TMEM39B: variants seen among roughly 807,000 people sequenced by gnomAD.
TMEM39B encodes transmembrane protein 39B.
Under a neutral mutation model 52.2 loss-of-function variants are expected in TMEM39B, and 23 were observed. The ratio of observed to expected loss-of-function variants is 0.44; its 90% CI spans 0.32 to 0.62. TMEM39B has a LOEUF of 0.62. Ranked by LOEUF, TMEM39B falls within the 20% of genes least tolerant of loss-of-function variation. The pLI is 0.06. For missense variants in TMEM39B, 547 were observed against 642.0 expected (o/e 0.85, Z 1.60); for synonymous variants, 285 against 264.0 (o/e 1.08, Z -0.77).
chr1:32,096,451 C>CTTTTT (rs965499225), intron 7 of TMEM39B, among the ~76,000 whole-genome samples: 4 of 105,024 alleles, frequency 3.8e-5, no homozygotes, highest in African/African-American at 4.2e-5. Flanking sequence ...CTCCTCTGGC[C>CTTTTT]TTTTTTTTTT....
chr1:32,074,820 G>A, intron 1 of TMEM39B, 131 bp from the exon 2 acceptor site: 1 of 1,179,774 alleles, frequency 8.5e-7, no homozygotes, highest in Non-Finnish European at 1.2e-6. Context: ...GTAAGAAGGG[G>A]CCAGATCATA....
chr1:32,084,501 A>G (rs1244981380), intron 5 of TMEM39B, among the ~76,000 whole-genome samples: 6 of 152,142 alleles, frequency 3.9e-5, no homozygotes, highest in South Asian at 2.1e-4. Context: ...GAGTCCTTGC[A>G]TGTCTAAAAG....
intron 5 of TMEM39B, among the ~76,000 whole-genome samples, chr1:32,089,071 G>A (rs936810437): frequency 1.3e-5 from 2 of 151,828 alleles, no homozygotes; most frequent in African/African-American, 4.8e-5. Flanking sequence ...GGAAACTGAG[G>A]CTCATAGAGG....
intron 5 of TMEM39B, among the ~76,000 whole-genome samples, chr1:32,085,517 C>A (rs1640305645): frequency 6.6e-6 from 1 of 152,092 alleles, no homozygotes; most frequent in South Asian, 2.1e-4. Context: ...CTTTGGGAGG[C>A]CAAGGTGGGT....
chr1:32,076,179 T>G (rs1639853272), intron 3 of TMEM39B: 1 of 177,098 alleles, frequency 5.6e-6, no homozygotes, highest in Non-Finnish European at 1.2e-5. Context: ...TGGCGCAATC[T>G]TAGCTCACTG....
Position 32,091,831 on chromosome 1 carries a change from C to T in TMEM39B, c.747C>T (p.His249=), listed in dbSNP as rs1640618371. The change falls in exon 6 of 9, where the codon CAC becomes CAT. Residue 249 remains histidine, a synonymous_variant. Coordinates refer to ENST00000336294, the MANE Select transcript of TMEM39B (RefSeq NM_018056.4). The part of the protein sequence containing the change: ...LLTLRETWKQ[H]TRQLYGPDAM... ...CACTGCGGGAGACGTGGAAGCAGCA[C>T]ACAAGACAGCTGTATGGCCCGGACG... 4.3e-6 allele frequency: 7 copies of T among 1,614,122 alleles called. No individual in the cohort carries two copies. Among genetic ancestry groups the T allele is most frequent in the African/African-American group, 1.3e-5 (1 of 74,950 alleles).
At chr1:32,075,911 A>G in intron 3 of TMEM39B, 89 bp downstream of exon 3, 2 of 895,876 alleles carry the variant, frequency 2.2e-6, no homozygotes, top group East Asian at 2.7e-5. Context: ...TCAGTTTAGC[A>G]TATCCTACTA....
intron 7 of TMEM39B, among the ~76,000 whole-genome samples, chr1:32,097,649 G>C (rs1322176705): frequency 6.9e-6 from 1 of 145,246 alleles, no homozygotes; most frequent in African/African-American, 2.6e-5. Context: ...TCTTTTTTTT[G>C]TTTGTTTGTT....
chr1:32,074,772 G>A (rs992484082), intron 1 of TMEM39B, among the ~76,000 whole-genome samples, 179 bp from the exon 2 acceptor site: 1 of 152,112 alleles, frequency 6.6e-6, no homozygotes, highest in South Asian at 2.1e-4. Flanking sequence ...TAGAGGGTGG[G>A]TGTGAGGTAG....
chr1:32,078,360 A>G (rs1460272933), intron 5 of TMEM39B, among the ~76,000 whole-genome samples: 1 of 152,010 alleles, frequency 6.6e-6, no homozygotes, highest in Non-Finnish European at 1.5e-5. Context: ...AGGCACGCCT[A>G]TAGTCCCAGC....
At chr1:32,096,937 G>C (rs908745727) in intron 7 of TMEM39B, among the ~76,000 whole-genome samples, 1 of 151,932 alleles carries the variant, frequency 6.6e-6, no homozygotes, top group Non-Finnish European at 1.5e-5. Flanking sequence ...CCAAGTCGCT[G>C]GGATTACAGG....
In TMEM39B at chr1:32,102,730, G is replaced by GGGGCT; in HGVS notation, c.*59_*63dup. On this transcript the variant is annotated 3_prime_UTR_variant, in exon 9 of 9. Coordinates refer to ENST00000336294, the MANE Select transcript of TMEM39B (RefSeq NM_018056.4). ...GCTTCAGCCAAGGGCTCCCTGGCAA[G>GGGGCT]GGGCTGTTGGGTAGAAGTGGTGGTG... 1 of 1,418,614 alleles carries GGGGCT rather than the reference G, an allele frequency of 7.0e-7. No homozygotes were observed. Among genetic ancestry groups the GGGGCT allele is most frequent in the South Asian group, 1.8e-5 (1 of 57,094 alleles). The allele number at this position is 1,418,614 out of a possible 1,614,324, so 87.9% of individuals were successfully genotyped here.
In TMEM39B at chr1:32,077,331, C is replaced by G. The variant is rs777015782; in HGVS notation, c.590+13C>G. On this transcript the variant is annotated intron_variant, in intron 5 of 8. Transcript: ENST00000336294. ...TCCTCTGCTATCCGTGAGTACCCCT[C>G]ACTTCACCCCTCACTGCCCAGCACC... The G allele has an allele frequency of 2.5e-6, 4 of 1,614,036 alleles. No individual in the cohort carries two copies.
chr1:32,079,072 T>G (rs1213738002), intron 5 of TMEM39B, among the ~76,000 whole-genome samples: 1 of 151,530 alleles, frequency 6.6e-6, no homozygotes, highest in Non-Finnish European at 1.5e-5. Context: ...TTATTTTATT[T>G]TATTTTAGAG....
intron 1 of TMEM39B, 46 bp from the exon 2 acceptor site, chr1:32,074,905 T>C (rs1354963912): frequency 6.6e-7 from 1 of 1,525,988 alleles, no homozygotes; most frequent in Non-Finnish European, 8.8e-7. Context: ...TTATCCTTGA[T>C]ATATGCCCCC....
At chr1:32,078,405 C>T (rs550093659) in intron 5 of TMEM39B, among the ~76,000 whole-genome samples, 1 of 152,028 alleles carries the variant, frequency 6.6e-6, no homozygotes, top group Admixed American at 6.6e-5. Context: ...ATCACCTGAG[C>T]TCAGGAGGTC....
intron 5 of TMEM39B, among the ~76,000 whole-genome samples, chr1:32,088,170 C>T (rs1193531479): frequency 7.0e-6 from 1 of 143,348 alleles, no homozygotes; most frequent in East Asian, 2.1e-4. Context: ...GTAATCCCAG[C>T]ACTTTGGGCG....
chr1:32,077,862 C>G (rs116018845), intron 5 of TMEM39B, among the ~76,000 whole-genome samples: 1 of 152,126 alleles, frequency 6.6e-6, no homozygotes, highest in Admixed American at 6.6e-5. Context: ...TCTCTTTCTC[C>G]GTCTCACCAG....
In TMEM39B at chr1:32,102,553, C is replaced by T. The variant is rs755077547; in HGVS notation, c.1359C>T (p.Ala453=). The T allele has an allele frequency of 7.4e-6, 12 of 1,614,046 alleles. No homozygotes were observed. Among genetic ancestry groups the T allele is most frequent in the Non-Finnish European group, 9.3e-6 (11 of 1,180,036 alleles). The change falls in exon 9 of 9, where the codon GCC becomes GCT. Residue 453 remains alanine, a synonymous_variant. Transcript: ENST00000336294. ...AGTGGCACCAGACCATCTCGCTGGC[C>T]CTCATCCTCTTCAGCAACTACTATG... The part of the protein sequence containing the change: ...SEKWHQTISL[A]LILFSNYYAF...
Sources: allele counts gnomAD v4.1 joint callset (sites outside exome capture counted in the v4.1 genomes callset), GRCh38; gene constraint gnomAD v4.1.1; transcripts MANE v1.5; gene names NCBI Gene and HGNC (gene_info 2026-07-23, HGNC 2026-07-21).